Variants in TADA1 observed in about 807,000 individuals in gnomAD.
The protein encoded by TADA1 is transcriptional adaptor 1.
Under a neutral mutation model 39.3 loss-of-function variants are expected in TADA1, and 23 were observed. The observed-to-expected ratio is 0.58, with a 90% CI of 0.42 to 0.83. The LOEUF (loss-of-function observed/expected upper bound fraction) is 0.83, where lower values mean the gene tolerates loss of function less well. TADA1 is among the 40% of genes least tolerant of loss of function. The probability of loss-of-function intolerance (pLI) is 0.00; values close to 1 mark genes in which losing one functional copy is unlikely to be tolerated. For missense variants in TADA1, 352 were observed against 408.1 expected, an observed-to-expected ratio of 0.86 and a Z score of 1.18; for synonymous variants, 137 against 151.8, an observed-to-expected ratio of 0.90 and a Z score of 0.72.
Position 166,870,557 on chromosome 1 carries a change from G to A in TADA1, c.75-703C>T, listed in dbSNP as rs116742343. Among the ~76,000 whole-genome samples, 960 of 152,334 alleles carry A rather than the reference G, an allele frequency of 6.3e-3. 12 individuals carry two copies. Among genetic ancestry groups the A allele is most frequent in the African/African-American group, 0.022 (912 of 41,586 alleles). ...CCCTAAAAGGGGACTCGCCGGTACG[G>A]TGGCTCATGCCTGTAGTCCCAGCAC... On this transcript the variant is annotated intron_variant, in intron 1 of 7. Transcript: ENST00000367874.
rs1276759721 is a variant in TADA1, at chr1:166,862,349, C to T, written c.394G>A (p.Asp132Asn). ...AQQFVAKDPQ[D>N]DDDLKLCSHT... ...GAACAAAGTTTCAAGTCGTCATCAT[C>T]TTGGGGATCCTTTGCCACAAATTGC... Residue 132 changes from aspartate to asparagine, a missense_variant, in exon 5 of 8, where the codon GAT becomes AAT. Transcript: ENST00000367874. The T allele has an allele frequency of 6.2e-7, 1 of 1,614,202 alleles. No individual in the cohort carries two copies. Among genetic ancestry groups the T allele is most frequent in the Non-Finnish European group, 8.5e-7 (1 of 1,180,044 alleles).
At chr1:166,864,011 T>TATTC in intron 3 of TADA1, 90 bp from the exon 4 acceptor site, 1 of 1,035,554 alleles carries the variant, frequency 9.7e-7, no homozygotes, top group Non-Finnish European at 1.4e-6. Flanking sequence ...AAGCATGGAA[T>TATTC]GCTCATGAAA....
At chr1:166,875,906 C>T (rs1477938978) in intron 1 of TADA1, among the ~76,000 whole-genome samples, 1 of 152,186 alleles carries the variant, frequency 6.6e-6, no homozygotes, top group Admixed American at 6.5e-5. Flanking sequence ...TCTCCCGCCC[C>T]ACCCAGGGCA....
At chr1:166,870,615 C>A (rs924424024) in intron 1 of TADA1, among the ~76,000 whole-genome samples, 1 of 152,194 alleles carries the variant, frequency 6.6e-6, no homozygotes, top group African/African-American at 2.4e-5. Context: ...ACCGCTTGAA[C>A]CCAGGAGTTC....
At chr1:166,859,167 A>T (rs1261047478) in intron 6 of TADA1, among the ~76,000 whole-genome samples, 1 of 152,216 alleles carries the variant, frequency 6.6e-6, no homozygotes. Flanking sequence ...ACCCCTGTAA[A>T]GGTCTTCAGA....
intron 5 of TADA1, among the ~76,000 whole-genome samples, chr1:166,860,706 A>G (rs1395485207): frequency 2.0e-5 from 3 of 152,036 alleles, no homozygotes; most frequent in African/African-American, 7.2e-5. Context: ...TTCTTGCTCT[A>G]TTGCCCAGGC....
intron 1 of TADA1, among the ~76,000 whole-genome samples, chr1:166,870,765 G>C (rs897045221): frequency 2.6e-5 from 4 of 152,156 alleles, no homozygotes; most frequent in African/African-American, 9.7e-5. Context: ...GGAGGTCAGG[G>C]CTGCGGCGAG....
intron 3 of TADA1, among the ~76,000 whole-genome samples, chr1:166,866,141 G>C (rs895345564): frequency 6.6e-6 from 1 of 152,238 alleles, no homozygotes; most frequent in Non-Finnish European, 1.5e-5. Flanking sequence ...CAAAGGAGCA[G>C]GCCTGCAAAC....
Position 166,862,226 on chromosome 1 carries a change from A to G in TADA1, c.517T>C (p.Ser173Pro). The change falls in exon 5 of 8, where the codon TCA (serine) becomes CCA (proline). Residue 173 changes from serine to proline, a missense_variant. Physicochemically the swap from Ser to Pro is moderately conservative, Grantham distance 74. This residue lies in a region of TADA1 where 285 missense variants were observed against 310.9 expected (regional missense o/e 0.92). Transcript: ENST00000367874. ...ACCTCCACAGCATAGACAACAGCTGAAACAGCCTCCTCGGTGACATTGTCC... is the reference window on the plus strand; with the variant it reads ...ACCTCCACAGCATAGACAACAGCTGGAACAGCCTCCTCGGTGACATTGTCC... ...GLDNVTEEAV[S>P]AVVYAVENHL... 1 of 1,613,682 alleles carries G rather than the reference A, an allele frequency of 6.2e-7. No individual in the cohort carries two copies. The highest frequency in any genetic ancestry group is 8.5e-7 in the Non-Finnish European group (1 of 1,179,924).
In TADA1 at chr1:166,860,310, C is replaced by T; in HGVS notation, c.568G>A (p.Val190Ile). 1 of 1,612,900 alleles carries T rather than the reference C, an allele frequency of 6.2e-7. No individual in the cohort carries two copies. The highest frequency in any genetic ancestry group is 8.5e-7 in the Non-Finnish European group (1 of 1,179,622). The change falls in exon 6 of 8, where the codon GTT (valine) becomes ATT (isoleucine). Residue 190 changes from valine to isoleucine, a missense_variant. Around this residue, in one of 3 missense-constraint regions of TADA1, gnomAD observed 285 missense variants for 310.9 expected, o/e 0.92. Coordinates refer to ENST00000367874, the MANE Select transcript of TADA1 (RefSeq NM_053053.4). ...ENHLKDILTSVVSRRKAYRLR... is the reference protein window; with the variant it reads ...ENHLKDILTSIVSRRKAYRLR... ...CGATAAGCTTTCCTTCTTGACACAA[C>T]TGACGTCAGTATATCTTTAAGGTGA...
chr1:166,868,942 C>T (rs1658596457), intron 3 of TADA1: 1 of 198,604 alleles, frequency 5.0e-6, no homozygotes, highest in South Asian at 1.0e-4. Context: ...ACAGTCCTTC[C>T]TTCTGGGTGT....
At chr1:166,867,963 C>T (rs892492489) in intron 3 of TADA1, among the ~76,000 whole-genome samples, 1 of 151,974 alleles carries the variant, frequency 6.6e-6, no homozygotes, top group Non-Finnish European at 1.5e-5. Context: ...CATGAGCTTT[C>T]GATATATGAT....
chr1:166,871,188 GA>G (rs967634121), intron 1 of TADA1, among the ~76,000 whole-genome samples: 3 of 151,886 alleles, frequency 2.0e-5, no homozygotes, highest in Non-Finnish European at 2.9e-5. Context: ...GTAACTGGTA[GA>G]AAAAAAATGA....
chr1:166,874,401 G>A (rs902208658), intron 1 of TADA1, among the ~76,000 whole-genome samples: 10 of 152,036 alleles, frequency 6.6e-5, no homozygotes, highest in Non-Finnish European at 7.4e-5. Context: ...ACAGTAATTA[G>A]GGTGAAAGCT....
intron 6 of TADA1, among the ~76,000 whole-genome samples, chr1:166,859,064 C>T (rs1658348240): frequency 6.6e-6 from 1 of 152,228 alleles, no homozygotes; most frequent in Non-Finnish European, 1.5e-5. Context: ...TGATCCCAAA[C>T]AGATACGCCT....
Position 166,858,184 on chromosome 1 carries a change from A to G in TADA1, c.790T>C (p.Ser264Pro). Residue 264 changes from serine to proline, a missense_variant, in exon 7 of 8, where the codon TCC becomes CCC. Physicochemically the swap from Ser to Pro is moderately conservative, Grantham distance 74. This residue lies in a region of TADA1 where 285 missense variants were observed against 310.9 expected (regional missense o/e 0.92). Transcript: ENST00000367874. ...EQQAALLLACSGDTLPASLPP... is the reference protein window; with the variant it reads ...EQQAALLLACPGDTLPASLPP... ...AAAGATGCAGGTAGAGTGTCTCCGG[A>G]GCATGCCAGCAGGAGTGCAGCCTGC... 1.2e-6 allele frequency: 2 copies of G among 1,614,120 alleles called. No individual in the cohort carries two copies. Among genetic ancestry groups the G allele is most frequent in the Non-Finnish European group, 1.7e-6 (2 of 1,180,014 alleles).
rs1194421226 is a variant in TADA1, at chr1:166,857,666, C to T, written c.909G>A (p.Arg303=). ...THTVYALNIE[R]IITKLWHPNH... is the part of the protein sequence containing the mutation. ...TTGGATGCCAGAGTTTCGTGATGAT[C>T]CTTTCAATGTTAAGAGCATAGACAG... Residue 303 remains arginine, a synonymous_variant, in exon 8 of 8, where the codon AGG becomes AGA. Transcript: ENST00000367874. 6.2e-7 allele frequency: 1 copy of T among 1,614,028 alleles called. No homozygotes were observed. The highest frequency in any genetic ancestry group is 8.5e-7 in the Non-Finnish European group (1 of 1,180,034).
chr1:166,868,463 C>T (rs1658583656), intron 3 of TADA1, among the ~76,000 whole-genome samples: 1 of 152,194 alleles, frequency 6.6e-6, no homozygotes, highest in South Asian at 2.1e-4. Flanking sequence ...AGTTAGGTAT[C>T]CCTTAGGTAC....
chr1:166,874,212 G>T (rs1367181259), intron 1 of TADA1, among the ~76,000 whole-genome samples: 2 of 151,810 alleles, frequency 1.3e-5, no homozygotes, highest in African/African-American at 2.4e-5. Context: ...GTGGTGGCAG[G>T]TGCCTGTAAT....
Sources: allele counts gnomAD v4.1 joint callset (sites outside exome capture counted in the v4.1 genomes callset), GRCh38; gene constraint gnomAD v4.1.1; regional missense constraint gnomAD v4.1.1; transcripts MANE v1.5; gene names NCBI Gene and HGNC (gene_info 2026-07-23, HGNC 2026-07-21).